Variants in RIMS2 observed in about 807,000 individuals in gnomAD.
The protein encoded by RIMS2 is regulating synaptic membrane exocytosis protein 2.
In RIMS2, 59 loss-of-function variants were observed where a neutral mutation model predicts 174.4. That is an observed-to-expected ratio of 0.34 (90% CI 0.27 to 0.42). The LOEUF is 0.42. Among genes scored for constraint, RIMS2 ranks in the 10% least tolerant of loss-of-function variants. The probability of loss-of-function intolerance (pLI) is 1.00; values close to 1 mark genes in which losing one functional copy is unlikely to be tolerated. For synonymous variants in RIMS2, 606 were observed against 572.5 expected (o/e 1.06, Z -0.84); for missense variants, 1,620 against 1,666.3 (o/e 0.97, Z 0.48).
At chr8:103,661,023 C>T (rs1189357396) in intron 1 of RIMS2, among the ~76,000 whole-genome samples, 1 of 152,208 alleles carries the variant, frequency 6.6e-6, no homozygotes, top group Non-Finnish European at 1.5e-5. Flanking sequence ...GAACTATTTC[C>T]CATCTCCAAG....
chr8:103,810,873 C>T (rs1352995316), intron 3 of RIMS2, among the ~76,000 whole-genome samples: 1 of 152,092 alleles, frequency 6.6e-6, no homozygotes, highest in African/African-American at 2.4e-5. Flanking sequence ...CTCTTGGAGG[C>T]CAATGTTATT....
chr8:104,060,249 C>T (rs1235868675), intron 19 of RIMS2, among the ~76,000 whole-genome samples: 2 of 150,796 alleles, frequency 1.3e-5, no homozygotes, highest in African/African-American at 2.4e-5. Flanking sequence ...AATTTCAGAG[C>T]CTGTTATTGG....
intron 3 of RIMS2, among the ~76,000 whole-genome samples, chr8:103,843,779 CT>C (rs1038511598): frequency 2.6e-5 from 4 of 152,214 alleles, no homozygotes; most frequent in East Asian, 1.9e-4. Flanking sequence ...AATTATTTGT[CT>C]TTTTTATCGT....
At chr8:104,052,794 G>C (rs2096808051) in intron 19 of RIMS2, among the ~76,000 whole-genome samples, 1 of 152,046 alleles carries the variant, frequency 6.6e-6, no homozygotes, top group Non-Finnish European at 1.5e-5. Flanking sequence ...CTGAAGGATA[G>C]AGCCTTCAGC....
chr8:103,531,605 A>C (rs1837192650), intron 1 of RIMS2, among the ~76,000 whole-genome samples: 1 of 152,210 alleles, frequency 6.6e-6, no homozygotes, highest in African/African-American at 2.4e-5. Context: ...CTATGAGTTA[A>C]GAATGGCTTT....
intron 3 of RIMS2, chr8:103,819,696 A>T (rs2098739856): frequency 3.0e-6 from 4 of 1,325,550 alleles, no homozygotes; most frequent in Non-Finnish European, 4.2e-6. Flanking sequence ...TATGCCAGTA[A>T]AAATTGTTTT....
chr8:104,248,237 G>A (rs549322442), intron 20 of RIMS2, among the ~76,000 whole-genome samples: 1 of 152,252 alleles, frequency 6.6e-6, no homozygotes, highest in Non-Finnish European at 1.5e-5. Context: ...AATGGGGTCA[G>A]GAAAGGGATT....
chr8:103,614,243 G>T (rs2095453378), intron 1 of RIMS2, among the ~76,000 whole-genome samples: 1 of 152,240 alleles, frequency 6.6e-6, no homozygotes, highest in Non-Finnish European at 1.5e-5. Context: ...CCCTGGCCAG[G>T]TCTGGTCCGT....
intron 1 of RIMS2, among the ~76,000 whole-genome samples, chr8:103,565,333 C>A (rs1019347052): frequency 1.3e-5 from 2 of 151,510 alleles, no homozygotes; most frequent in Admixed American, 1.3e-4. Flanking sequence ...GAGACGAGGT[C>A]TCACTCTGTT....
intron 2 of RIMS2, among the ~76,000 whole-genome samples, chr8:103,709,340 GTT>G (rs35595373): frequency 1.8e-3 from 241 of 132,830 alleles, no homozygotes; most frequent in African/African-American, 3.3e-3. Context: ...CGGTATGTGG[GTT>G]TTTTTTTTTT....
chr8:104,233,816 T>G lies in RIMS2; in HGVS notation c.3335-11100T>G, dbSNP rs74936627. ...GTGTGAGTCTCTTCAGCCAAACGCCTCATTAGACACAGGCTTTCAGCCTAA... is the reference window on the plus strand; with the variant it reads ...GTGTGAGTCTCTTCAGCCAAACGCCGCATTAGACACAGGCTTTCAGCCTAA... On this transcript the variant is annotated intron_variant, in intron 19 of 23. Transcript: ENST00000504942. Among the ~76,000 whole-genome samples the G allele has an allele frequency of 2.5e-4, 38 of 152,344 alleles. No individual in the cohort carries two copies. In the East Asian group the frequency reaches 5.4e-3, roughly 22 times the overall value.
In RIMS2 at chr8:103,936,845, C is replaced by T. The variant is rs894630722; in HGVS notation, c.2547+123C>T. On this transcript the variant is annotated intron_variant, in intron 13 of 23. Transcript: ENST00000504942. ...GCATGGTGGCTCATGCCTGTAATCT[C>T]AGCACTTTGGGAGGCCGAGGGGGGC... 1.4e-5 allele frequency: 10 copies of T among 698,778 alleles called. No individual in the cohort carries two copies. In the African/African-American group the frequency reaches 1.9e-4, roughly 13 times the overall value. The allele number at this position is 698,778 out of a possible 1,614,324, so 43.3% of individuals were successfully genotyped here.
At chr8:104,219,515 T>C (rs1346861719) in intron 19 of RIMS2, among the ~76,000 whole-genome samples, 2 of 152,222 alleles carry the variant, frequency 1.3e-5, no homozygotes, top group African/African-American at 4.8e-5. Flanking sequence ...AACTCTAAAG[T>C]ACAACATATC....
chr8:103,808,155 C>G (rs765877980), intron 3 of RIMS2, among the ~76,000 whole-genome samples: 11 of 152,108 alleles, frequency 7.2e-5, no homozygotes, highest in Non-Finnish European at 1.5e-4. Flanking sequence ...CACAGGAAAA[C>G]AAGCAGCAAT....
intron 16 of RIMS2, among the ~76,000 whole-genome samples, chr8:103,986,105 GAATA>G (rs1222397026): frequency 2.0e-5 from 3 of 152,142 alleles, no homozygotes; most frequent in Admixed American, 6.5e-5. Context: ...TCACACAAAA[GAATA>G]AATATTTGAG....
chr8:103,582,152 T>C (rs1015720208), intron 1 of RIMS2, among the ~76,000 whole-genome samples: 16 of 152,054 alleles, frequency 1.1e-4, no homozygotes, highest in African/African-American at 3.4e-4. Context: ...AGGCCCTAGC[T>C]CCAGGATGAC....
intron 2 of RIMS2, among the ~76,000 whole-genome samples, chr8:103,747,422 C>T (rs1418773852): frequency 2.0e-5 from 3 of 150,044 alleles, no homozygotes; most frequent in Admixed American, 6.7e-5. Context: ...AGTATTAAAA[C>T]GTTTTGACCA....
At chr8:104,244,109 C>G (rs183990070) in intron 19 of RIMS2, among the ~76,000 whole-genome samples, 1 of 152,246 alleles carries the variant, frequency 6.6e-6, no homozygotes, top group East Asian at 1.9e-4. Context: ...TCTTCCCTGA[C>G]CTCTCCAGAT....
chr8:104,211,875 A>C (rs2511554), intron 19 of RIMS2, among the ~76,000 whole-genome samples: 30,480 of 152,088 alleles, frequency 0.2, 3,261 homozygotes, highest in Non-Finnish European at 0.23. Flanking sequence ...GCAAGAGTGA[A>C]AGTATCTTGG....
Sources: allele counts gnomAD v4.1 joint callset (sites outside exome capture counted in the v4.1 genomes callset), GRCh38; gene constraint gnomAD v4.1.1; transcripts MANE v1.5; gene names NCBI Gene and HGNC (gene_info 2026-07-23, HGNC 2026-07-21).